The following APOBEC3G variants were observed in gnomAD, a reference collection of about 807,000 sequenced individuals.
The protein encoded by APOBEC3G is apolipoprotein B mRNA editing enzyme catalytic subunit 3G.
Under a neutral mutation model 50.0 loss-of-function variants are expected in APOBEC3G, and 44 were observed. That is an observed-to-expected ratio of 0.88 (90% CI 0.69 to 1.13). APOBEC3G has a LOEUF of 1.13. APOBEC3G is among the 50% of genes most tolerant of loss of function. APOBEC3G has a pLI of 0.00. For missense variants in APOBEC3G, 469 were observed against 492.0 expected (o/e 0.95, Z 0.44); for synonymous variants, 156 against 175.3 (o/e 0.89, Z 0.87).
intron 3 of APOBEC3G, 87 bp from the exon 4 acceptor site, chr22:39,081,384 T>G (rs952550601): frequency 7.2e-5 from 111 of 1,532,212 alleles, no homozygotes; most frequent in Non-Finnish European, 9.5e-5. Context: ...GTAACTAGTA[T>G]CTAGAATATG....
At chr22:39,082,470 A>G (rs1928511418) in intron 4 of APOBEC3G, 1 of 152,158 alleles carries the variant, frequency 6.6e-6, no homozygotes, top group Non-Finnish European at 1.5e-5. Context: ...CCAAAAATAC[A>G]AAAATTAGCC....
At chr22:39,079,637 A>G (rs1275975560) in intron 2 of APOBEC3G, 1 of 152,404 alleles carries the variant, frequency 6.6e-6, no homozygotes, top group Non-Finnish European at 1.5e-5. Context: ...TTAATATTTA[A>G]TTAATCCAAT....
At chr22:39,079,877 A>G (rs1256993531) in intron 2 of APOBEC3G, 3 of 151,060 alleles carry the variant, frequency 2.0e-5, no homozygotes, top group Non-Finnish European at 4.4e-5. Flanking sequence ...TCTACTAAAA[A>G]TACAAAAAAA....
chr22:39,086,652 C>T, intron 6 of APOBEC3G, 85 bp downstream of exon 6: 5 of 1,502,006 alleles, frequency 3.3e-6, no homozygotes, highest in Non-Finnish European at 1.8e-6. Flanking sequence ...GGAGGGTCGG[C>T]ATCCCTGTGG....
Position 39,083,794 on chromosome 22 carries a change from G to A in APOBEC3G, c.645G>A (p.Arg215=). ...NFNNEPWVRG[R]HETYLCYEVE... is the part of the protein sequence containing the mutation. ...ACAATGAACCTTGGGTCAGAGGACG[G>A]CATGAGACTTACCTGTGTTATGAGG... The change falls in exon 5 of 8, where the codon CGG becomes CGA. Residue 215 remains arginine (R), a synonymous_variant. Coordinates refer to ENST00000407997, the MANE Select transcript of APOBEC3G (RefSeq NM_021822.4). 6.2e-7 allele frequency: 1 copy of A among 1,614,004 alleles called. No homozygotes were observed. Among genetic ancestry groups the A allele is most frequent in the Non-Finnish European group, 8.5e-7 (1 of 1,179,940 alleles).
intron 2 of APOBEC3G, chr22:39,079,317 T>G: frequency 1.9e-6 from 1 of 538,980 alleles, no homozygotes; most frequent in Non-Finnish European, 3.1e-6. Context: ...TTTCTTTTCT[T>G]TTTTCTTTTT....
rs777373075 is a variant in APOBEC3G at position 39,079,094 on chromosome 22, C to G, written c.171+9C>G. The G allele has an allele frequency of 2.5e-6, 4 of 1,613,796 alleles. No homozygotes were observed. Among genetic ancestry groups the G allele is most frequent in the South Asian group, 1.1e-5 (1 of 91,012 alleles). On this transcript the variant is annotated intron_variant, in intron 2 of 7. Transcript: ENST00000407997. ...AGATCTTTCGAGGCCAGGTACCACC[C>G]GGACTCCAATCACTTTGCAGGCAGG...
At position 39,087,161 on chromosome 22, in the gene APOBEC3G, G is replaced by A. The variant is rs574850138; in HGVS notation, c.1140+35G>A. On this transcript the variant is annotated intron_variant, in intron 7 of 7. Transcript: ENST00000407997. ...TCTTCCCTCTGCCCAGTGCCCCATC[G>A]GCCTCCCCCTCCTCCCCTCTCCCCT... 11 of 1,613,184 alleles carry A rather than the reference G, an allele frequency of 6.8e-6. No homozygotes were observed. In the African/African-American group the frequency reaches 9.3e-5, roughly 14 times the overall value.
chr22:39,086,129 A>G, intron 5 of APOBEC3G, 150 bp from the exon 6 acceptor site: 1 of 879,532 alleles, frequency 1.1e-6, no homozygotes, highest in Non-Finnish European at 1.6e-6. Flanking sequence ...ACATGGAGAA[A>G]CCCCTTTTCT....
rs988060970 is a variant in APOBEC3G, at chr22:39,079,300, TTTTTC to T, written c.171+230_171+234del. 8.8e-5 allele frequency: 53 copies of T among 600,138 alleles called. 1 individual carries two copies. In the South Asian group the frequency reaches 1.2e-3, roughly 13 times the overall value. 37.2% of individuals were successfully genotyped at this position (600,138 alleles called of 1,614,324 possible). ...CTGCACAAAAGGCCTTGTGTTTCCGTTTTTCTTTTCTTTTCTTTTTTCTTTTTTTT... is the reference window on the plus strand; with the variant it reads ...CTGCACAAAAGGCCTTGTGTTTCCGTTTTTCTTTTCTTTTTTCTTTTTTTT... On this transcript the variant is annotated intron_variant, in intron 2 of 7. Transcript: ENST00000407997.
At chr22:39,086,246 AAAG>A in intron 5 of APOBEC3G, 30 bp from the exon 6 acceptor site, 1 of 1,531,556 alleles carries the variant, frequency 6.5e-7, no homozygotes, top group Admixed American at 2.2e-5. Flanking sequence ...CAAAAAAAAA[AAAG>A]ATTACCTCAT....
intron 2 of APOBEC3G, chr22:39,079,665 TCAA>T: frequency 6.6e-6 from 1 of 152,232 alleles, no homozygotes; most frequent in Non-Finnish European, 1.5e-5. Context: ...ACATATTACT[TCAA>T]CATTAATTAA....
chr22:39,084,765 A>G (rs1928622157), intron 5 of APOBEC3G, among the ~76,000 whole-genome samples: 1 of 152,236 alleles, frequency 6.6e-6, no homozygotes. Flanking sequence ...AGGCCAGAAC[A>G]GGCCCCAAGT....
intron 4 of APOBEC3G, chr22:39,083,000 C>T (rs1928541424): frequency 6.6e-6 from 1 of 152,312 alleles, no homozygotes; most frequent in Non-Finnish European, 1.5e-5. Context: ...CCGGACATGA[C>T]CCCTCAGCTG....
At position 39,086,445 on chromosome 22, in the gene APOBEC3G, AAAAC is replaced by A; in HGVS notation, c.908_911del (p.Lys303ThrfsTer2). The A allele has an allele frequency of 6.2e-7, 1 of 1,614,160 alleles. No individual in the cohort carries two copies. The highest frequency in any genetic ancestry group is 8.5e-7 in the Non-Finnish European group (1 of 1,180,024). On this transcript the variant is annotated frameshift_variant, in exon 6 of 8. Transcript: ENST00000407997. LOFTEE classifies it high-confidence loss of function. ...CAGGAAATGGCTAAATTCATTTCAA[AAAAC>A]AAACACGTGAGCCTGTGCATCTTCA...
chr22:39,087,412 G>T lies in APOBEC3G; in HGVS notation c.1146G>T (p.Gln382His), dbSNP rs1351222803. The change falls in exon 8 of 8, where the codon CAG (glutamine) becomes CAT (histidine). Residue 382 changes from glutamine (Q) to histidine (H), a missense_variant. Gln to His is a conservative substitution (Grantham distance 24, BLOSUM62 0). Transcript: ENST00000407997. ...SGRLRAILQN[Q>H]EN ...CAACCTCCCTGCTCTTCCAGAATCA[G>T]GAAAACTGAAGGATGGGCCTCAGTC... 2 of 1,613,978 alleles carry T rather than the reference G, an allele frequency of 1.2e-6. No homozygotes were observed. Among genetic ancestry groups the T allele is most frequent in the East Asian group, 2.2e-5 (1 of 44,888 alleles).
chr22:39,080,862 C>T (rs1928406420), intron 2 of APOBEC3G, 71 bp from the exon 3 acceptor site: 1 of 984,524 alleles, frequency 1.0e-6, no homozygotes, highest in Non-Finnish European at 1.5e-6. Context: ...GGCCCCTCCT[C>T]CCCCTGCCCC....
At chr22:39,083,671 G>A in intron 4 of APOBEC3G, 60 bp from the exon 5 acceptor site, 3 of 1,571,120 alleles carry the variant, frequency 1.9e-6, no homozygotes, top group Non-Finnish European at 2.6e-6. Context: ...GGAGAGGGAG[G>A]GGGAGGTGGG....
At position 39,084,686 on chromosome 22, in the gene APOBEC3G, C is replaced by T. The variant is rs145534190; in HGVS notation, c.735+802C>T. Among the ~76,000 whole-genome samples the T allele has an allele frequency of 4.0e-3, 611 of 152,264 alleles. 3 individuals carry two copies. The highest frequency in any genetic ancestry group is 0.014 in the African/African-American group (562 of 41,548). On this transcript the variant is annotated intron_variant, in intron 5 of 7. Coordinates refer to ENST00000407997, the MANE Select transcript of APOBEC3G (RefSeq NM_021822.4). ...GTGCCTGCTCCTGGGCTTCATCCTG[C>T]GGGAAAAGAGACTGAGGCAGGAGAG...
Sources: gnomAD v4.1 joint callset for allele counts (sites outside exome capture counted in the v4.1 genomes callset) on GRCh38, gnomAD v4.1.1 for gene constraint, MANE v1.5 for transcripts, NCBI Gene and HGNC (gene_info 2026-07-23, HGNC 2026-07-21) for gene names.